The following KLHL2 variants were observed in gnomAD, a reference collection of about 807,000 sequenced individuals.
KLHL2 encodes kelch like family member 2.
KLHL2 carries 15 observed loss-of-function variants against 75.8 expected under a neutral mutation model. The ratio of observed to expected loss-of-function variants is 0.20; its 90% CI spans 0.13 to 0.30. The LOEUF (loss-of-function observed/expected upper bound fraction) is 0.30. KLHL2 is among the 10% of genes least tolerant of loss of function. KLHL2 has a pLI of 1.00. For synonymous variants in KLHL2, 214 were observed against 251.9 expected (o/e 0.85, Z 1.42); for missense variants, 381 against 741.0 (o/e 0.51, Z 5.64).
chr4:165,320,449 C>T (rs1746882759), intron 14 of KLHL2, among the ~76,000 whole-genome samples: 1 of 152,138 alleles, frequency 6.6e-6, no homozygotes, highest in Non-Finnish European at 1.5e-5. Context: ...TGATATTGGA[C>T]AGTGCCCTTG....
rs574586457 is a variant in KLHL2, at chr4:165,256,687, A to G, written c.382-6510A>G. 8.5e-5 allele frequency among the ~76,000 whole-genome samples: 13 copies of G among 152,368 alleles called. No individual in the cohort carries two copies. In the East Asian group the frequency reaches 2.5e-3, roughly 29 times the overall value. On this transcript the variant is annotated intron_variant, in intron 4 of 14. Coordinates refer to ENST00000226725, the MANE Select transcript of KLHL2 (RefSeq NM_007246.4). ...TCTCCCTGACTTTCTTTTAAATAAT[A>G]TTTGACCATTTAAATGGTACATAGA... is the stretch of plus-strand genomic sequence containing the variant.
intron 4 of KLHL2, among the ~76,000 whole-genome samples, chr4:165,242,943 G>A (rs1490580994): frequency 2.0e-5 from 3 of 152,090 alleles, no homozygotes; most frequent in African/African-American, 7.2e-5. Flanking sequence ...TGATGTTTTT[G>A]CCTCCATATA....
chr4:165,265,422 A>G (rs958835606), intron 5 of KLHL2, among the ~76,000 whole-genome samples: 2 of 151,980 alleles, frequency 1.3e-5, no homozygotes, highest in Admixed American at 6.6e-5. Context: ...TCACATTTGC[A>G]TTTGGGGTCT....
intron 1 of KLHL2, 144 bp downstream of exon 1, chr4:165,208,046 C>G (rs1236404360): frequency 1.1e-5 from 5 of 462,918 alleles, no homozygotes; most frequent in Non-Finnish European, 1.7e-5. Context: ...GCGCTGTGCC[C>G]GCAGTCCTGA....
chr4:165,219,751 T>C (rs553151889), intron 1 of KLHL2, 183 bp from the exon 2 acceptor site: 2 of 1,309,630 alleles, frequency 1.5e-6, no homozygotes, highest in African/African-American at 3.0e-5. Flanking sequence ...ATTGAAACCA[T>C]AGTGTCCATC....
At chr4:165,286,982 T>C (rs1438269348) in intron 5 of KLHL2, among the ~76,000 whole-genome samples, 1 of 152,204 alleles carries the variant, frequency 6.6e-6, no homozygotes, top group Admixed American at 6.5e-5. Context: ...GGTTATAAAC[T>C]TTTAAAAATA....
chr4:165,303,636 C>T (rs973314857), intron 8 of KLHL2, among the ~76,000 whole-genome samples: 1 of 152,168 alleles, frequency 6.6e-6, no homozygotes, highest in African/African-American at 2.4e-5. Flanking sequence ...AGTCTCAGCT[C>T]ACTGCAACCT....
chr4:165,239,960 T>C (rs1739679069), intron 4 of KLHL2, among the ~76,000 whole-genome samples: 1 of 152,186 alleles, frequency 6.6e-6, no homozygotes, highest in Admixed American at 6.5e-5. Context: ...CATTAGTGTA[T>C]ATGGGTCTAA....
chr4:165,218,783 A>G (rs1013092566), intron 1 of KLHL2, among the ~76,000 whole-genome samples: 1 of 152,246 alleles, frequency 6.6e-6, no homozygotes, highest in African/African-American at 2.4e-5. Context: ...CCTTTTAGAA[A>G]TGGGTCAGGA....
chr4:165,297,756 C>T (rs757752465), intron 7 of KLHL2, 31 bp downstream of exon 7: 2 of 1,272,710 alleles, frequency 1.6e-6, no homozygotes, highest in Non-Finnish European at 2.3e-6. Flanking sequence ...TATGAATCCA[C>T]ACAGCACTGT....
chr4:165,281,828 A>G (rs1290724331), intron 5 of KLHL2, among the ~76,000 whole-genome samples: 1 of 152,190 alleles, frequency 6.6e-6, no homozygotes, highest in Non-Finnish European at 1.5e-5. Context: ...TGTGTAGTTT[A>G]TGTGTTTAAC....
intron 5 of KLHL2, chr4:165,278,864 G>C: frequency 6.6e-7 from 1 of 1,513,646 alleles, no homozygotes; most frequent in Non-Finnish European, 9.2e-7. Flanking sequence ...CAGTGCAGCA[G>C]ACTGGTCCCC....
intron 5 of KLHL2, among the ~76,000 whole-genome samples, chr4:165,268,028 G>A (rs1410963119): frequency 6.6e-6 from 1 of 152,082 alleles, no homozygotes; most frequent in Non-Finnish European, 1.5e-5. Context: ...CTTCTTCCTG[G>A]TTTAGTCTTG....
chr4:165,321,233 TTCCACCTCC>T (rs949915185), intron 14 of KLHL2: 18 of 455,164 alleles, frequency 4.0e-5, no homozygotes, highest in Non-Finnish European at 3.5e-5. Context: ...CTGCCTTCCC[TTCCACCTCC>T]TCCACCTCTT....
chr4:165,233,330 A>G (rs1304384401), intron 3 of KLHL2, among the ~76,000 whole-genome samples: 1 of 152,258 alleles, frequency 6.6e-6, no homozygotes, highest in Non-Finnish European at 1.5e-5. Context: ...CTTCTTGGTT[A>G]CAAATGTGGC....
intron 4 of KLHL2, among the ~76,000 whole-genome samples, chr4:165,260,482 A>G (rs1741566180): frequency 6.6e-6 from 1 of 152,232 alleles, no homozygotes; most frequent in South Asian, 2.1e-4. Context: ...CGGTCTCCTA[A>G]TACGGTAGAT....
intron 2 of KLHL2, among the ~76,000 whole-genome samples, chr4:165,223,784 G>A (rs552087728): frequency 6.6e-6 from 1 of 152,076 alleles, no homozygotes; most frequent in East Asian, 1.9e-4. Flanking sequence ...AAGTGTGGAT[G>A]GGGGAAATTT....
intron 8 of KLHL2, among the ~76,000 whole-genome samples, chr4:165,301,734 A>G (rs1745363607): frequency 6.6e-6 from 1 of 152,186 alleles, no homozygotes; most frequent in Admixed American, 6.5e-5. Context: ...CTTCCTTCTA[A>G]ATAATGTGCT....
intron 5 of KLHL2, among the ~76,000 whole-genome samples, chr4:165,265,679 A>G (rs1742187591): frequency 6.6e-6 from 1 of 152,146 alleles, no homozygotes; most frequent in Non-Finnish European, 1.5e-5. Context: ...GTTACATAGT[A>G]TTCCATGGTG....
Sources: allele counts gnomAD v4.1 joint callset (sites outside exome capture counted in the v4.1 genomes callset), GRCh38; gene constraint gnomAD v4.1.1; transcripts MANE v1.5; gene names NCBI Gene and HGNC (gene_info 2026-07-23, HGNC 2026-07-21).